EPHA5: variants seen among roughly 807,000 people sequenced by gnomAD.
EPHA5 encodes ephrin type-A receptor 5.
A neutral mutation model predicts 105.0 loss-of-function variants in EPHA5; 60 were observed. The observed-to-expected ratio is 0.57, with a 90% CI of 0.46 to 0.71. The LOEUF (loss-of-function observed/expected upper bound fraction) is 0.71, where lower values mean the gene tolerates loss of function less well. EPHA5 is among the 30% of genes least tolerant of loss of function. The pLI is 0.00. For missense variants in EPHA5, 1,218 were observed against 1,274.7 expected, an observed-to-expected ratio of 0.96 and a Z score of 0.68; for synonymous variants, 513 against 449.1, an observed-to-expected ratio of 1.14 and a Z score of -1.80.
chr4:65,522,294 A>G (rs1734809031), intron 3 of EPHA5, among the ~76,000 whole-genome samples: 1 of 136,014 alleles, frequency 7.4e-6, no homozygotes, highest in Non-Finnish European at 1.6e-5. Context: ...AACTTTAGAA[A>G]TATGTGTGTG....
At chr4:65,437,620 C>T (rs920340832) in intron 5 of EPHA5, among the ~76,000 whole-genome samples, 2 of 151,886 alleles carry the variant, frequency 1.3e-5, no homozygotes, top group Non-Finnish European at 2.9e-5. Context: ...ACCAGAAAAT[C>T]ATTCATAGGA....
intron 7 of EPHA5, among the ~76,000 whole-genome samples, chr4:65,404,995 A>G (rs764748703): frequency 1.3e-5 from 2 of 152,168 alleles, no homozygotes; most frequent in Non-Finnish European, 2.9e-5. Flanking sequence ...TAATATCACT[A>G]TTCTGAATAT....
At chr4:65,479,946 A>C (rs970899397) in intron 5 of EPHA5, among the ~76,000 whole-genome samples, 2 of 152,190 alleles carry the variant, frequency 1.3e-5, no homozygotes, top group Admixed American at 6.5e-5. Context: ...TGGGATAAAA[A>C]TGAAAGTAGG....
At chr4:65,533,820 G>T (rs1036330591) in intron 3 of EPHA5, among the ~76,000 whole-genome samples, 2 of 152,088 alleles carry the variant, frequency 1.3e-5, no homozygotes, top group Non-Finnish European at 2.9e-5. Flanking sequence ...TGTAATCCCA[G>T]CTACTGAGGA....
At chr4:65,528,861 A>C (rs1252209678) in intron 3 of EPHA5, among the ~76,000 whole-genome samples, 2 of 152,128 alleles carry the variant, frequency 1.3e-5, no homozygotes, top group African/African-American at 4.8e-5. Flanking sequence ...GAAATAATAT[A>C]CTGTCAAGGC....
chr4:65,347,597 C>T (rs1460612794), intron 14 of EPHA5, among the ~76,000 whole-genome samples: 1 of 152,164 alleles, frequency 6.6e-6, no homozygotes, highest in African/African-American at 2.4e-5. Flanking sequence ...ACTCTTCTTA[C>T]ATTTTTTAAT....
chr4:65,397,863 C>T (rs1186312785), intron 8 of EPHA5, among the ~76,000 whole-genome samples: 5 of 152,152 alleles, frequency 3.3e-5, no homozygotes, highest in Non-Finnish European at 7.4e-5. Context: ...GTCATTGTCC[C>T]TATCCTAATG....
chr4:65,365,434 G>A (rs1253599478), intron 10 of EPHA5, among the ~76,000 whole-genome samples: 1 of 149,960 alleles, frequency 6.7e-6, no homozygotes, highest in African/African-American at 2.4e-5. Flanking sequence ...AACACTATAG[G>A]GGCTATTAAC....
chr4:65,387,251 G>T (rs1720191366), intron 8 of EPHA5, among the ~76,000 whole-genome samples: 1 of 151,928 alleles, frequency 6.6e-6, no homozygotes, highest in African/African-American at 2.4e-5. Context: ...TTATTTCAGA[G>T]TCCTCCTTGG....
Position 65,573,272 on chromosome 4 carries a change from G to T in EPHA5, c.910+28369C>A, listed in dbSNP as rs1006857762. 4.0e-5 allele frequency among the ~76,000 whole-genome samples: 6 copies of T among 151,726 alleles called. No homozygotes were observed. In the South Asian group the frequency reaches 1.0e-3, roughly 26 times the overall value. On this transcript the variant is annotated intron_variant, in intron 3 of 16. Transcript: ENST00000613740. Reference sequence around the variant, plus strand: ...TAAAAACACAAAAAATTAGCTGGGCGTGGTGGCAGGTGCCTGTGGTCCCAG... The same window carrying T: ...TAAAAACACAAAAAATTAGCTGGGCTTGGTGGCAGGTGCCTGTGGTCCCAG...
intron 1 of EPHA5, among the ~76,000 whole-genome samples, chr4:65,659,907 G>A (rs9997241): frequency 0.59 from 89,065 of 151,868 alleles, 26,269 homozygotes; most frequent in Middle Eastern, 0.68. Context: ...TAGAACAGAT[G>A]AGACATCTAC....
Position 65,658,792 on chromosome 4 carries a change from G to A in EPHA5, c.181+10770C>T, listed in dbSNP as rs76718577. On this transcript the variant is annotated intron_variant, in intron 1 of 16. Coordinates refer to ENST00000613740, the MANE Select transcript of EPHA5 (RefSeq NM_001281766.3). ...AATTTTGCTATACCTCAGCTAAAAT[G>A]TTGCACTGATTCTTCAGTAATAAGA... Among the ~76,000 whole-genome samples the A allele has an allele frequency of 2.6e-3, 397 of 152,100 alleles. 1 individual carries two copies. Among genetic ancestry groups the A allele is most frequent in the African/African-American group, 8.8e-3 (366 of 41,500 alleles).
At chr4:65,610,677 C>T (rs1744683434) in intron 2 of EPHA5, among the ~76,000 whole-genome samples, 2 of 151,950 alleles carry the variant, frequency 1.3e-5, no homozygotes, top group South Asian at 2.1e-4. Flanking sequence ...CTGAAATTAA[C>T]AAATTAATAA....
intron 3 of EPHA5, among the ~76,000 whole-genome samples, chr4:65,555,162 G>A (rs1461068059): frequency 6.6e-6 from 1 of 151,380 alleles, no homozygotes; most frequent in Non-Finnish European, 1.5e-5. Context: ...AACATGTTTT[G>A]TCCCCCACCA....
At chr4:65,356,060 G>T (rs761843995) in intron 11 of EPHA5, among the ~76,000 whole-genome samples, 12 of 151,370 alleles carry the variant, frequency 7.9e-5, no homozygotes, top group Middle Eastern at 3.2e-3. Context: ...GAATATAGTC[G>T]CAGCTTTTCC....
intron 2 of EPHA5, among the ~76,000 whole-genome samples, chr4:65,626,998 T>G (rs1476849830): frequency 6.6e-6 from 1 of 152,198 alleles, no homozygotes; most frequent in Non-Finnish European, 1.5e-5. Flanking sequence ...GGAACATGCC[T>G]GATCTGGCCA....
intron 3 of EPHA5, among the ~76,000 whole-genome samples, chr4:65,512,576 A>G (rs1733726769): frequency 6.6e-6 from 1 of 151,966 alleles, no homozygotes. Flanking sequence ...TCTTGCTGCT[A>G]TGGCCATCTG....
At chr4:65,334,951 A>C (rs1229698248) in intron 15 of EPHA5, among the ~76,000 whole-genome samples, 1 of 152,020 alleles carries the variant, frequency 6.6e-6, no homozygotes, top group Non-Finnish European at 1.5e-5. Context: ...ATAATTGCTA[A>C]GAAGATACGT....
chr4:65,605,659 G>A (rs546992789), intron 2 of EPHA5, among the ~76,000 whole-genome samples: 10 of 151,924 alleles, frequency 6.6e-5, no homozygotes, highest in South Asian at 2.1e-4. Flanking sequence ...ATTCTATATC[G>A]AGAGTGATCT....
Sources: gnomAD v4.1 joint callset for allele counts (sites outside exome capture counted in the v4.1 genomes callset) on GRCh38, gnomAD v4.1.1 for gene constraint, MANE v1.5 for transcripts, NCBI Gene and HGNC (gene_info 2026-07-23, HGNC 2026-07-21) for gene names.